Variants in LINGO2 observed in about 807,000 individuals in gnomAD.
LINGO2 encodes leucine-rich repeat and immunoglobulin-like domain-containing nogo receptor-interacting protein 2.
A neutral mutation model predicts 30.6 loss-of-function variants in LINGO2; 14 were observed. The ratio of observed to expected loss-of-function variants is 0.46; its 90% CI spans 0.30 to 0.72. The LOEUF is 0.72. Among genes scored for constraint, LINGO2 ranks in the 30% least tolerant of loss-of-function variants. The pLI is 0.07. For missense variants in LINGO2, 729 were observed against 751.7 expected, an observed-to-expected ratio of 0.97 and a Z score of 0.35; for synonymous variants, 317 against 288.5, an observed-to-expected ratio of 1.10 and a Z score of -1.00.
At chr9:28,144,301 T>C (rs962049631) in intron 4 of LINGO2, among the ~76,000 whole-genome samples, 1 of 152,172 alleles carries the variant, frequency 6.6e-6, no homozygotes, top group African/African-American at 2.4e-5. Flanking sequence ...GTCAGGCCTA[T>C]TACAGTATTT....
chr9:28,240,804 A>C (rs1486436181), intron 4 of LINGO2, among the ~76,000 whole-genome samples: 1 of 152,210 alleles, frequency 6.6e-6, no homozygotes, highest in Non-Finnish European at 1.5e-5. Context: ...GATCACATCA[A>C]GTTTAAAAAG....
At chr9:28,644,578 A>C (rs1827747657) in intron 1 of LINGO2, among the ~76,000 whole-genome samples, 1 of 136,164 alleles carries the variant, frequency 7.3e-6, no homozygotes, top group Non-Finnish European at 1.6e-5. Flanking sequence ...TAATGGGTGC[A>C]AACAGAAAAA....
At chr9:28,073,180 C>G (rs1197915215) in intron 4 of LINGO2, among the ~76,000 whole-genome samples, 3 of 152,082 alleles carry the variant, frequency 2.0e-5, no homozygotes, top group Admixed American at 6.6e-5. Flanking sequence ...TTACCAGCAG[C>G]TGACGGGATG....
rs796578482 is a variant in LINGO2 at position 28,189,271 on chromosome 9, G to A, written c.-87+105937C>T. 2.7e-4 allele frequency among the ~76,000 whole-genome samples: 17 copies of A among 64,032 alleles called. No homozygotes were observed. In the South Asian group the frequency reaches 3.9e-3, roughly 15 times the overall value. 42.0% of individuals were successfully genotyped at this position (64,032 alleles called of 152,430 possible). Reference sequence around the variant, plus strand: ...AGGAAGGGAGGAAGGAAGGGAGGGAGGAAGGGAGGGAGGGAGGGAGGAAGG... The same window carrying A: ...AGGAAGGGAGGAAGGAAGGGAGGGAAGAAGGGAGGGAGGGAGGGAGGAAGG... On this transcript the variant is annotated intron_variant, in intron 4 of 5. Transcript: ENST00000379992.
the LINGO2 span, among the ~76,000 whole-genome samples, chr9:28,827,305 C>T: frequency 6.6e-6 from 1 of 152,132 alleles, no homozygotes; most frequent in African/African-American, 2.4e-5. Context: ...AATTACTCTT[C>T]CTAATACTTA....
intron 2 of LINGO2, among the ~76,000 whole-genome samples, chr9:28,418,962 G>T (rs1173391255): frequency 6.6e-6 from 1 of 151,974 alleles, no homozygotes; most frequent in African/African-American, 2.4e-5. Flanking sequence ...TTCCTCCTTT[G>T]ATCTATAACA....
At chr9:29,177,127 T>C in the LINGO2 span, among the ~76,000 whole-genome samples, 2 of 152,150 alleles carry the variant, frequency 1.3e-5, no homozygotes, top group Non-Finnish European at 2.9e-5. Flanking sequence ...AATATTACAC[T>C]AAAAAGAAAA....
the LINGO2 span, among the ~76,000 whole-genome samples, chr9:29,004,165 T>C: frequency 6.6e-6 from 1 of 152,008 alleles, no homozygotes; most frequent in South Asian, 2.1e-4. Context: ...TAGGTCTATT[T>C]TCTTTTACAT....
intron 2 of LINGO2, among the ~76,000 whole-genome samples, chr9:28,400,447 A>G (rs1019837843): frequency 3.3e-5 from 5 of 152,224 alleles, no homozygotes; most frequent in African/African-American, 1.2e-4. Flanking sequence ...GGAAACCAGC[A>G]AACACTAATA....
intron 4 of LINGO2, among the ~76,000 whole-genome samples, chr9:28,168,242 A>C (rs1453519136): frequency 1.3e-5 from 2 of 152,184 alleles, no homozygotes; most frequent in African/African-American, 4.8e-5. Context: ...TAGCCAATAC[A>C]GTTTTTGATT....
At chr9:29,092,315 C>T in the LINGO2 span, among the ~76,000 whole-genome samples, 1 of 151,902 alleles carries the variant, frequency 6.6e-6, no homozygotes. Flanking sequence ...CCAAGGACAA[C>T]ACAATCAATT....
chr9:28,253,088 ATAT>A (rs1276577940), intron 4 of LINGO2, among the ~76,000 whole-genome samples: 1 of 151,952 alleles, frequency 6.6e-6, no homozygotes, highest in Admixed American at 6.6e-5. Flanking sequence ...AAAAAAAAAA[ATAT>A]TATTTTCTTC....
chr9:28,964,633 G>T, the LINGO2 span, among the ~76,000 whole-genome samples: 1 of 151,812 alleles, frequency 6.6e-6, no homozygotes, highest in African/African-American at 2.4e-5. Flanking sequence ...GTAGAGACAA[G>T]GTAACCAGAA....
the LINGO2 span, among the ~76,000 whole-genome samples, chr9:28,935,082 T>C: frequency 3.6e-4 from 54 of 152,030 alleles, no homozygotes; most frequent in Middle Eastern, 3.4e-3. Flanking sequence ...TTAAAAATTG[T>C]TTTTCAAGAT....
In LINGO2 at chr9:28,341,368, T is replaced by C. The variant is rs182749870; in HGVS notation, c.-246+31468A>G. Among the ~76,000 whole-genome samples the C allele has an allele frequency of 5.3e-5, 8 of 152,300 alleles. No homozygotes were observed. The East Asian group carries it at 1.5e-3, about 29-fold the overall frequency. On this transcript the variant is annotated intron_variant, in intron 3 of 5. Transcript: ENST00000379992. Reference sequence around the variant, plus strand: ...GGTCATATGTTATATTATGTTTTACTATCAAGACTCACTTAAATTAACTTT... The same window carrying C: ...GGTCATATGTTATATTATGTTTTACCATCAAGACTCACTTAAATTAACTTT...
chr9:28,843,146 T>C, the LINGO2 span, among the ~76,000 whole-genome samples: 1 of 151,816 alleles, frequency 6.6e-6, no homozygotes, highest in East Asian at 1.9e-4. Flanking sequence ...TTAAAATATA[T>C]GCAATAACTT....
intron 4 of LINGO2, among the ~76,000 whole-genome samples, chr9:28,120,179 C>T (rs890945652): frequency 6.6e-6 from 1 of 152,124 alleles, no homozygotes; most frequent in African/African-American, 2.4e-5. Flanking sequence ...ATAAAAGCCT[C>T]GGCTGCTATC....
intron 2 of LINGO2, among the ~76,000 whole-genome samples, chr9:28,440,774 A>G (rs1301393444): frequency 6.6e-6 from 1 of 152,226 alleles, no homozygotes; most frequent in Non-Finnish European, 1.5e-5. Context: ...AACATACTAC[A>G]TATGCCTCAA....
intron 4 of LINGO2, among the ~76,000 whole-genome samples, chr9:28,055,481 AAG>A (rs1354033877): frequency 4.6e-5 from 7 of 152,272 alleles, no homozygotes; most frequent in South Asian, 4.1e-4. Flanking sequence ...AACTTGTAAA[AAG>A]AGAGTAAGGT....
Sources: gnomAD v4.1 joint callset for allele counts (sites outside exome capture counted in the v4.1 genomes callset) on GRCh38, gnomAD v4.1.1 for gene constraint, MANE v1.5 for transcripts, NCBI Gene and HGNC (gene_info 2026-07-23, HGNC 2026-07-21) for gene names.